BCAP29: variants seen among roughly 807,000 people sequenced by gnomAD.
The protein encoded by BCAP29 is B-cell receptor-associated protein 29.
A neutral mutation model predicts 31.8 loss-of-function variants in BCAP29; 34 were observed. That is an observed-to-expected ratio of 1.07 (90% CI 0.81 to 1.42). BCAP29 has a LOEUF of 1.42. Ranked by LOEUF, BCAP29 falls within the 40% of genes most tolerant of loss-of-function variation. BCAP29 has a pLI of 0.00. For missense variants in BCAP29, 314 were observed against 269.2 expected (o/e 1.17, Z -1.16); for synonymous variants, 104 against 91.3 (o/e 1.14, Z -0.79).
At chr7:107,585,253 G>A (rs1484590154) in intron 3 of BCAP29, among the ~76,000 whole-genome samples, 6 of 152,182 alleles carry the variant, frequency 3.9e-5, no homozygotes, top group Admixed American at 3.9e-4. Flanking sequence ...TGTCTTCCAT[G>A]TTCCAAACCA....
chr7:107,585,232 TTG>T (rs1171783450), intron 3 of BCAP29, among the ~76,000 whole-genome samples: 6 of 152,152 alleles, frequency 3.9e-5, no homozygotes, highest in Admixed American at 3.9e-4. Context: ...TGACACTGTT[TTG>T]TGAGAAAATG....
intron 2 of BCAP29, 83 bp downstream of exon 2, chr7:107,580,947 G>A (rs1806541210): frequency 3.0e-6 from 3 of 999,142 alleles, no homozygotes; most frequent in Non-Finnish European, 4.3e-6. Context: ...ACATTAAAAA[G>A]TTTCGAAAGT....
At chr7:107,612,744 A>C (rs1392803385) in intron 6 of BCAP29, among the ~76,000 whole-genome samples, 1 of 152,112 alleles carries the variant, frequency 6.6e-6, no homozygotes, top group African/African-American at 2.4e-5. Context: ...GAATTTATTC[A>C]TGAGGAAACA....
At chr7:107,612,388 G>GTTTT (rs1279316751) in intron 6 of BCAP29, among the ~76,000 whole-genome samples, 3 of 67,648 alleles carry the variant, frequency 4.4e-5, no homozygotes, top group African/African-American at 2.0e-4. Context: ...ACAATGTATT[G>GTTTT]TTTTATATAT....
intron 2 of BCAP29, among the ~76,000 whole-genome samples, 172 bp from the exon 3 acceptor site, chr7:107,583,710 G>T (rs1277250281): frequency 1.3e-5 from 2 of 152,040 alleles, no homozygotes; most frequent in Non-Finnish European, 2.9e-5. Context: ...TGAAAGAGTT[G>T]TTTTTTAATT....
intron 6 of BCAP29, among the ~76,000 whole-genome samples, chr7:107,606,194 C>A (rs1432947044): frequency 1.3e-5 from 2 of 152,232 alleles, no homozygotes; most frequent in South Asian, 4.1e-4. Context: ...ATATGAATTA[C>A]ATTGCAAAAT....
At position 107,619,379 on chromosome 7, in the gene BCAP29, G is replaced by T. The variant is rs942572027; in HGVS notation, c.*1016G>T. 6.6e-6 allele frequency: 1 copy of T among 152,108 alleles called. No homozygotes were observed. Among genetic ancestry groups the T allele is most frequent in the African/African-American group, 2.4e-5 (1 of 41,306 alleles). The allele number at this position is 152,108 out of a possible 1,614,324, so 9.4% of individuals were successfully genotyped here. On this transcript the variant is annotated 3_prime_UTR_variant, in exon 8 of 8. Transcript: ENST00000005259. ...TTATAATATTAATATGATTTCATTT[G>T]TTCCAGTGTTTAGACATGAAATCAT...
intron 3 of BCAP29, among the ~76,000 whole-genome samples, chr7:107,585,116 CCCTT>C (rs1384021996): frequency 6.6e-6 from 1 of 152,080 alleles, no homozygotes; most frequent in African/African-American, 2.4e-5. Flanking sequence ...CTTGAAATGC[CCCTT>C]CTTGCACAGA....
intron 2 of BCAP29, among the ~76,000 whole-genome samples, chr7:107,581,519 C>G (rs904413502): frequency 1.3e-5 from 2 of 152,162 alleles, no homozygotes; most frequent in Admixed American, 1.3e-4. Flanking sequence ...TCATTTTACC[C>G]TTGCAGTAAT....
At chr7:107,582,981 G>C (rs78437968) in intron 2 of BCAP29, among the ~76,000 whole-genome samples, 4,999 of 152,126 alleles carry the variant, frequency 0.033, 116 homozygotes, top group Non-Finnish European at 0.047. Context: ...GTAGTTACTT[G>C]AAGTTGTCCT....
intron 6 of BCAP29, among the ~76,000 whole-genome samples, chr7:107,604,271 A>G (rs1432834092): frequency 1.3e-5 from 2 of 152,176 alleles, no homozygotes; most frequent in African/African-American, 4.8e-5. Context: ...GAAGATGTTA[A>G]GTTTTTTTTA....
Position 107,619,485 on chromosome 7 carries a change from CTGTT to C in BCAP29, c.*1124_*1127del, listed in dbSNP as rs1291730188. 1 of 152,052 alleles carries C rather than the reference CTGTT, an allele frequency of 6.6e-6. No individual in the cohort carries two copies. Among genetic ancestry groups the C allele is most frequent in the Non-Finnish European group, 1.5e-5 (1 of 67,970 alleles). 9.4% of individuals were successfully genotyped at this position (152,052 alleles called of 1,614,324 possible). Reference sequence around the variant, plus strand: ...ATTTCTCTTGTCTTTGTTACATCCTCTGTTTATTATAATTTTAGCACCAACTTCA... The same window carrying C: ...ATTTCTCTTGTCTTTGTTACATCCTCTATTATAATTTTAGCACCAACTTCA... On this transcript the variant is annotated 3_prime_UTR_variant, in exon 8 of 8. Coordinates refer to ENST00000005259, the MANE Select transcript of BCAP29 (RefSeq NM_018844.4).
At chr7:107,597,365 C>T (rs779994643) in intron 5 of BCAP29, among the ~76,000 whole-genome samples, 1 of 152,066 alleles carries the variant, frequency 6.6e-6, no homozygotes, top group Non-Finnish European at 1.5e-5. Context: ...CAAGAGTTAC[C>T]GCGCCCAGCC....
rs189075351 is a variant in BCAP29 at position 107,590,506 on chromosome 7, G to T, written c.194-3449G>T. Among the ~76,000 whole-genome samples, 281 of 152,262 alleles carry T rather than the reference G, an allele frequency of 1.8e-3. 3 individuals carry two copies. Among genetic ancestry groups the T allele is most frequent in the South Asian group, 3.3e-3 (16 of 4,828 alleles). On this transcript the variant is annotated intron_variant, in intron 3 of 7. Coordinates refer to ENST00000005259, the MANE Select transcript of BCAP29 (RefSeq NM_018844.4). ...AAGAAGTAAAATATCCTTATTTGCA[G>T]ATGACACGATTATTTATATAGAAAA...
At chr7:107,610,276 A>G (rs1215131970) in intron 6 of BCAP29, among the ~76,000 whole-genome samples, 1 of 152,234 alleles carries the variant, frequency 6.6e-6, no homozygotes, top group Non-Finnish European at 1.5e-5. Flanking sequence ...CAGTATTTCC[A>G]TAAAGCCACT....
At chr7:107,599,206 TATAA>T (rs1326002060) in intron 5 of BCAP29, among the ~76,000 whole-genome samples, 1 of 21,506 alleles carries the variant, frequency 4.6e-5, no homozygotes, top group Non-Finnish European at 8.8e-5. Context: ...AATACATATT[TATAA>T]ATATATATAT....
intron 5 of BCAP29, chr7:107,600,097 GAAGA>G (rs1810885059): frequency 2.9e-6 from 1 of 343,354 alleles, no homozygotes; most frequent in Non-Finnish European, 5.6e-6. Flanking sequence ...ATTAATTGAG[GAAGA>G]AAGACTGACG....
chr7:107,612,237 G>A (rs1322112413), intron 6 of BCAP29, among the ~76,000 whole-genome samples: 1 of 151,258 alleles, frequency 6.6e-6, no homozygotes, highest in African/African-American at 2.4e-5. Context: ...ATGATATAGA[G>A]CTACTTCAGG....
chr7:107,615,508 A>C (rs1340055769), intron 7 of BCAP29: 1 of 334,620 alleles, frequency 3.0e-6, no homozygotes, highest in Non-Finnish European at 6.0e-6. Context: ...AGGCAGGAGA[A>C]TCACTTGAAC....
Sources: allele counts gnomAD v4.1 joint callset (sites outside exome capture counted in the v4.1 genomes callset), GRCh38; gene constraint gnomAD v4.1.1; transcripts MANE v1.5; gene names NCBI Gene and HGNC (gene_info 2026-07-23, HGNC 2026-07-21).